ATE1: variants seen among roughly 807,000 people sequenced by gnomAD.
The protein encoded by ATE1 is arginyl-tRNA--protein transferase 1.
In ATE1, 36 loss-of-function variants were observed where a neutral mutation model predicts 70.5. The ratio of observed to expected loss-of-function variants is 0.51; its 90% CI spans 0.39 to 0.67. ATE1 has a LOEUF of 0.67. Ranked by LOEUF, ATE1 falls within the 30% of genes least tolerant of loss-of-function variation. The pLI is 0.00. For synonymous variants in ATE1, 232 were observed against 219.3 expected, an observed-to-expected ratio of 1.06 and a Z score of -0.51; for missense variants, 593 against 629.5, an observed-to-expected ratio of 0.94 and a Z score of 0.62.
intron 8 of ATE1, among the ~76,000 whole-genome samples, chr10:121,842,158 G>T (rs897101586): frequency 8.5e-5 from 13 of 152,066 alleles, no homozygotes; most frequent in African/African-American, 3.1e-4. Flanking sequence ...GGAAAACAAA[G>T]TTATTCTTCA....
intron 8 of ATE1, among the ~76,000 whole-genome samples, chr10:121,865,209 T>C (rs1259754726): frequency 6.6e-6 from 1 of 152,170 alleles, no homozygotes; most frequent in Non-Finnish European, 1.5e-5. Flanking sequence ...CTGTAAGAAT[T>C]AAAATAAGGG....
At chr10:121,855,952 T>C (rs1949231730) in intron 8 of ATE1, among the ~76,000 whole-genome samples, 1 of 151,646 alleles carries the variant, frequency 6.6e-6, no homozygotes, top group Non-Finnish European at 1.5e-5. Flanking sequence ...GGTGGGCACC[T>C]GTAATACCAG....
At chr10:121,898,746 G>C (rs1268938523) in intron 7 of ATE1, 7 of 1,443,290 alleles carry the variant, frequency 4.9e-6, no homozygotes, top group Admixed American at 2.0e-5. Flanking sequence ...AATACACACT[G>C]AAAGGGTCAT....
chr10:121,868,930 A>T (rs1220266905), intron 8 of ATE1, among the ~76,000 whole-genome samples: 1 of 152,238 alleles, frequency 6.6e-6, no homozygotes, highest in East Asian at 1.9e-4. Flanking sequence ...AAATGTTATA[A>T]AAGCAGAAAT....
Position 121,741,928 on chromosome 10 carries a change from T to C in ATE1, c.*1752A>G, listed in dbSNP as rs1944160372. 1 of 152,256 alleles carries C rather than the reference T, an allele frequency of 6.6e-6. No individual in the cohort carries two copies. Among genetic ancestry groups the C allele is most frequent in the Non-Finnish European group, 1.5e-5 (1 of 68,040 alleles). The allele number at this position is 152,256 out of a possible 1,614,324, so 9.4% of individuals were successfully genotyped here. On this transcript the variant is annotated 3_prime_UTR_variant, in exon 12 of 12. Transcript: ENST00000224652. ...TATTTATACTTCTTAATGTTCTAAC[T>C]GCTTACAGTGTCACTTTTGTTATAA...
At chr10:121,922,561 T>A in intron 2 of ATE1, 150 bp from the exon 3 acceptor site, 1 of 599,356 alleles carries the variant, frequency 1.7e-6, no homozygotes, top group Non-Finnish European at 3.0e-6. Flanking sequence ...AGCCAAATAA[T>A]CTTCAAAGTG....
intron 3 of ATE1, among the ~76,000 whole-genome samples, chr10:121,915,370 G>A (rs531054928): frequency 1.3e-5 from 2 of 151,622 alleles, no homozygotes; most frequent in South Asian, 2.1e-4. Flanking sequence ...GAAGAGAAAA[G>A]GTAAAGTCAG....
At chr10:121,810,039 A>G (rs796850379) in intron 10 of ATE1, among the ~76,000 whole-genome samples, 67 of 152,346 alleles carry the variant, frequency 4.4e-4, no homozygotes, top group African/African-American at 1.5e-3. Context: ...TTAACCAGTA[A>G]GAACCACAAA....
Position 121,910,900 on chromosome 10 carries a change from T to A in ATE1, c.583+6A>T, listed in dbSNP as rs1414218489. 6.2e-7 allele frequency: 1 copy of A among 1,612,682 alleles called. No homozygotes were observed. Among genetic ancestry groups the A allele is most frequent in the African/African-American group, 1.3e-5 (1 of 74,864 alleles). ...AATATGACTTGGTATCAAAAATCTT[T>A]ACTACCTGGCTTAGGAACTGTGTGA... is the stretch of plus-strand genomic sequence containing the variant. On this transcript the variant is annotated splice_donor_region_variant and intron_variant, in intron 5 of 11. Coordinates refer to ENST00000224652, the MANE Select transcript of ATE1 (RefSeq NM_001001976.3).
At chr10:121,876,870 G>A (rs1390480679) in intron 7 of ATE1, among the ~76,000 whole-genome samples, 1 of 151,866 alleles carries the variant, frequency 6.6e-6, no homozygotes, top group Non-Finnish European at 1.5e-5. Context: ...GGAGGCTGAG[G>A]CAGGAGAATG....
rs1944164747 is a variant in ATE1, at chr10:121,742,030, A to C, written c.*1650T>G. The C allele has an allele frequency of 6.6e-6, 1 of 152,124 alleles. No homozygotes were observed. The highest frequency in any genetic ancestry group is 2.4e-5 in the African/African-American group (1 of 41,466). 9.4% of individuals were successfully genotyped at this position (152,124 alleles called of 1,614,324 possible). A position where few individuals can be genotyped will look rare whatever the true frequency, so the allele number is the denominator to read the frequency against. The stretch of plus-strand genomic sequence containing the variant: ...ATAGATTCTGAAGGCAGTTCCAAGT[A>C]AGTCTCTCAAATGCTCTTACGAGAC... On this transcript the variant is annotated 3_prime_UTR_variant, in exon 12 of 12. Coordinates refer to ENST00000224652, the MANE Select transcript of ATE1 (RefSeq NM_001001976.3).
rs544048027 is a variant in ATE1 at position 121,901,168 on chromosome 10, G to A, written c.814-1174C>T. On this transcript the variant is annotated intron_variant, in intron 6 of 11. Transcript: ENST00000224652. ...TGTAATCCCAGCTACTCAGAAGGCT[G>A]AGACAGGAGAATCGCTTGAACCCAG... 1.2e-4 allele frequency among the ~76,000 whole-genome samples: 19 copies of A among 152,150 alleles called. No individual in the cohort carries two copies. In the East Asian group the frequency reaches 2.9e-3, roughly 23 times the overall value.
At chr10:121,824,003 A>C (rs1947906907) in intron 10 of ATE1, among the ~76,000 whole-genome samples, 1 of 152,188 alleles carries the variant, frequency 6.6e-6, no homozygotes, top group Non-Finnish European at 1.5e-5. Context: ...CTGTAATGAG[A>C]AGCTTAGAAC....
chr10:121,839,946 T>A (rs1467589569), intron 9 of ATE1, among the ~76,000 whole-genome samples: 1 of 152,146 alleles, frequency 6.6e-6, no homozygotes, highest in Non-Finnish European at 1.5e-5. Flanking sequence ...AACGTGACCA[T>A]CAGACATGAA....
At chr10:121,843,137 C>T (rs1410528444) in intron 8 of ATE1, among the ~76,000 whole-genome samples, 1 of 152,184 alleles carries the variant, frequency 6.6e-6, no homozygotes, top group African/African-American at 2.4e-5. Flanking sequence ...TCCCAGAATA[C>T]AAGGGTAATA....
At chr10:121,913,140 A>G (rs1162671351) in intron 4 of ATE1, among the ~76,000 whole-genome samples, 1 of 152,174 alleles carries the variant, frequency 6.6e-6, no homozygotes, top group African/African-American at 2.4e-5. Flanking sequence ...CGGCCTCCCA[A>G]GGTGCTGGGA....
chr10:121,910,154 G>A (rs1232322043), intron 5 of ATE1, among the ~76,000 whole-genome samples: 1 of 152,122 alleles, frequency 6.6e-6, no homozygotes, highest in East Asian at 1.9e-4. Context: ...CAATAAAATT[G>A]CAAATGGAGA....
Position 121,888,278 on chromosome 10 carries a change from G to A in ATE1, c.942+11588C>T, listed in dbSNP as rs995945773. 3.9e-5 allele frequency among the ~76,000 whole-genome samples: 6 copies of A among 151,986 alleles called. No individual in the cohort carries two copies. The East Asian group carries it at 9.7e-4, about 25-fold the overall frequency. ...GCGTGGTGGCAGGCGCCTGGAGTCCGAGCTACTCGGGAGGCTGAGACAGGA... is the reference window on the plus strand; with the variant it reads ...GCGTGGTGGCAGGCGCCTGGAGTCCAAGCTACTCGGGAGGCTGAGACAGGA... On this transcript the variant is annotated intron_variant, in intron 7 of 11. Transcript: ENST00000224652.
At chr10:121,826,496 CAG>C (rs1293694763) in intron 10 of ATE1, among the ~76,000 whole-genome samples, 1 of 152,140 alleles carries the variant, frequency 6.6e-6, no homozygotes, top group Non-Finnish European at 1.5e-5. Context: ...TTAGTAGAGA[CAG>C]GGTTTCACCA....
Sources: gnomAD v4.1 joint callset for allele counts (sites outside exome capture counted in the v4.1 genomes callset) on GRCh38, gnomAD v4.1.1 for gene constraint, MANE v1.5 for transcripts, NCBI Gene and HGNC (gene_info 2026-07-23, HGNC 2026-07-21) for gene names.